Variants in CTNND2 observed in about 807,000 individuals in gnomAD.
CTNND2 encodes the protein catenin delta 2.
CTNND2 carries 22 observed loss-of-function variants against 144.4 expected under a neutral mutation model. The ratio of observed to expected loss-of-function variants is 0.15; its 90% CI spans 0.11 to 0.22. The LOEUF (loss-of-function observed/expected upper bound fraction) is 0.22, where lower values mean the gene tolerates loss of function less well. Among genes scored for constraint, CTNND2 ranks in the 10% least tolerant of loss-of-function variants. The pLI is 1.00. For synonymous variants in CTNND2, 751 were observed against 695.6 expected (o/e 1.08, Z -1.25); for missense variants, 1,353 against 1,618.8 (o/e 0.84, Z 2.82).
chr5:11,539,899 T>C (rs374997623), intron 3 of CTNND2, among the ~76,000 whole-genome samples: 1 of 152,084 alleles, frequency 6.6e-6, no homozygotes, highest in South Asian at 2.1e-4. Flanking sequence ...CTGGGCATGG[T>C]GGTGGGCGTC....
intron 3 of CTNND2, among the ~76,000 whole-genome samples, chr5:11,494,520 T>A (rs370617904): frequency 6.6e-6 from 1 of 152,074 alleles, no homozygotes; most frequent in East Asian, 1.9e-4. Flanking sequence ...TTCAAAGAGG[T>A]GCTGCCACCT....
At chr5:11,321,815 T>G (rs1302634814) in intron 9 of CTNND2, among the ~76,000 whole-genome samples, 1 of 152,190 alleles carries the variant, frequency 6.6e-6, no homozygotes, top group Non-Finnish European at 1.5e-5. Flanking sequence ...ATTTTCAGCA[T>G]GAAGCTTGGC....
intron 2 of CTNND2, among the ~76,000 whole-genome samples, chr5:11,699,659 A>G (rs1023180095): frequency 6.6e-6 from 1 of 152,218 alleles, no homozygotes; most frequent in Admixed American, 6.5e-5. Flanking sequence ...GAAGCCTCCA[A>G]AAATACTGTA....
chr5:10,995,556 C>G (rs192102337), intron 18 of CTNND2, among the ~76,000 whole-genome samples: 1 of 152,110 alleles, frequency 6.6e-6, no homozygotes, highest in Non-Finnish European at 1.5e-5. Flanking sequence ...TACAGACAAG[C>G]CTTTGGCAAA....
chr5:11,248,353 A>T (rs892894963), intron 9 of CTNND2, among the ~76,000 whole-genome samples: 18 of 151,960 alleles, frequency 1.2e-4, no homozygotes, highest in Non-Finnish European at 7.4e-5. Context: ...ATATATATAT[A>T]TATGTGCATG....
chr5:11,662,214 T>C (rs541715666), intron 2 of CTNND2, among the ~76,000 whole-genome samples: 22 of 134,164 alleles, frequency 1.6e-4, no homozygotes, highest in South Asian at 6.9e-4. Flanking sequence ...TGTATATATA[T>C]ACATATATGT....
intron 11 of CTNND2, among the ~76,000 whole-genome samples, chr5:11,166,913 C>T (rs1271069738): frequency 1.3e-5 from 2 of 152,058 alleles, no homozygotes; most frequent in East Asian, 3.9e-4. Flanking sequence ...AAAATTAAAG[C>T]GTTTATCTTG....
intron 1 of CTNND2, among the ~76,000 whole-genome samples, chr5:11,799,249 G>C (rs1325600032): frequency 1.3e-5 from 2 of 152,132 alleles, no homozygotes; most frequent in African/African-American, 4.8e-5. Flanking sequence ...CACTGGTGTA[G>C]TTTCCCATTC....
chr5:10,999,311 T>C (rs1004666392), intron 18 of CTNND2, among the ~76,000 whole-genome samples: 1 of 152,202 alleles, frequency 6.6e-6, no homozygotes, highest in Non-Finnish European at 1.5e-5. Flanking sequence ...CGGGCACATA[T>C]CATTTCAATC....
At chr5:11,584,950 A>T (rs1392557496) in intron 2 of CTNND2, among the ~76,000 whole-genome samples, 1 of 152,198 alleles carries the variant, frequency 6.6e-6, no homozygotes, top group Non-Finnish European at 1.5e-5. Context: ...TTTAGAAATT[A>T]TATATACTTC....
intron 2 of CTNND2, among the ~76,000 whole-genome samples, chr5:11,685,138 A>G (rs2126636306): frequency 6.6e-6 from 1 of 152,320 alleles, no homozygotes; most frequent in South Asian, 2.1e-4. Context: ...GATTACCACA[A>G]AAAGAAAAAC....
chr5:11,898,599 C>T (rs2126333983), intron 1 of CTNND2, among the ~76,000 whole-genome samples: 1 of 152,152 alleles, frequency 6.6e-6, no homozygotes, highest in East Asian at 1.9e-4. Flanking sequence ...AAGTAAACAT[C>T]CTATTTAGTA....
At chr5:11,541,614 G>T (rs1774739727) in intron 3 of CTNND2, among the ~76,000 whole-genome samples, 1 of 152,144 alleles carries the variant, frequency 6.6e-6, no homozygotes. Flanking sequence ...GCATTTTTCT[G>T]TACAGGGCTA....
chr5:11,181,900 T>TGTATGC (rs2149801030), intron 11 of CTNND2, among the ~76,000 whole-genome samples: 1 of 144,794 alleles, frequency 6.9e-6, no homozygotes, highest in African/African-American at 2.6e-5. Context: ...GTGTGTGGTG[T>TGTATGC]GTATGTGTGG....
At chr5:11,750,716 A>T (rs1026297324) in intron 1 of CTNND2, among the ~76,000 whole-genome samples, 15 of 151,882 alleles carry the variant, frequency 9.9e-5, no homozygotes, top group African/African-American at 3.4e-4. Flanking sequence ...CAAGATTCAA[A>T]AACAGTAATT....
chr5:11,719,876 A>ACACACACCCC (rs1016017967), intron 2 of CTNND2, among the ~76,000 whole-genome samples: 15 of 144,302 alleles, frequency 1.0e-4, no homozygotes, highest in African/African-American at 3.7e-4. Context: ...ACACACACAC[A>ACACACACCCC]CCACAGATCC....
intron 2 of CTNND2, among the ~76,000 whole-genome samples, chr5:11,711,422 T>A (rs1786028972): frequency 6.6e-6 from 1 of 152,190 alleles, no homozygotes; most frequent in Non-Finnish European, 1.5e-5. Flanking sequence ...TTTTAACATG[T>A]AGGGCATGCT....
chr5:11,171,352 C>T (rs868681986), intron 11 of CTNND2, among the ~76,000 whole-genome samples: 1 of 152,136 alleles, frequency 6.6e-6, no homozygotes. Context: ...TTGTTTCTTA[C>T]AGACATTCTA....
intron 3 of CTNND2, among the ~76,000 whole-genome samples, chr5:11,443,377 T>G (rs1363795575): frequency 4.8e-5 from 2 of 41,338 alleles, no homozygotes; most frequent in South Asian, 1.1e-3. Context: ...GGGTGTGGCA[T>G]GAGTGGGGGG....
Sources: gnomAD v4.1 joint callset for allele counts (sites outside exome capture counted in the v4.1 genomes callset) on GRCh38, gnomAD v4.1.1 for gene constraint, MANE v1.5 for transcripts, NCBI Gene and HGNC (gene_info 2026-07-23, HGNC 2026-07-21) for gene names.